CCNT2: variants seen among roughly 807,000 people sequenced by gnomAD.
The protein encoded by CCNT2 is cyclin T2.
CCNT2 carries 18 observed loss-of-function variants against 70.0 expected under a neutral mutation model. The observed-to-expected ratio is 0.26, with a 90% CI of 0.18 to 0.38. The LOEUF is 0.38. Ranked by LOEUF, CCNT2 falls within the 10% of genes least tolerant of loss-of-function variation. The pLI is 1.00. For synonymous variants in CCNT2, 334 were observed against 313.3 expected, an observed-to-expected ratio of 1.07 and a Z score of -0.70; for missense variants, 734 against 890.2, an observed-to-expected ratio of 0.82 and a Z score of 2.23.
rs1293127100 is a variant in CCNT2, at chr2:134,955,833, T to G, written c.*1185T>G. Reference sequence around the variant, plus strand: ...CAATAAATAAAAAAGAAAAGATTACTGACTGTGCATTGTACCTGTATTTAT... The same window carrying G: ...CAATAAATAAAAAAGAAAAGATTACGGACTGTGCATTGTACCTGTATTTAT... On this transcript the variant is annotated 3_prime_UTR_variant, in exon 9 of 9. Transcript: ENST00000264157. 6.6e-6 allele frequency: 1 copy of G among 152,668 alleles called. No individual in the cohort carries two copies. The highest frequency in any genetic ancestry group is 6.5e-5 in the Admixed American group (1 of 15,290). The allele number at this position is 152,668 out of a possible 1,614,324, so 9.5% of individuals were successfully genotyped here.
chr2:134,958,076 T>A lies in CCNT2; in HGVS notation c.*3428T>A, dbSNP rs1028877200. 2 of 152,250 alleles carry A rather than the reference T, an allele frequency of 1.3e-5. No individual in the cohort carries two copies. Among genetic ancestry groups the A allele is most frequent in the African/African-American group, 4.8e-5 (2 of 41,472 alleles). The allele number at this position is 152,250 out of a possible 1,614,324, so 9.4% of individuals were successfully genotyped here. A position where few individuals can be genotyped will look rare whatever the true frequency, so the allele number is the denominator to read the frequency against. On this transcript the variant is annotated 3_prime_UTR_variant, in exon 9 of 9. Coordinates refer to ENST00000264157, the MANE Select transcript of CCNT2 (RefSeq NM_058241.3). ...ACTTAAATTGCTGACTTGTATTCGT[T>A]AAGCAACCTTAGAAATAAACCACTG...
chr2:134,946,555 C>CA (rs1280642065), intron 6 of CCNT2: 2 of 272,120 alleles, frequency 7.3e-6, no homozygotes, highest in Non-Finnish European at 1.1e-5. Flanking sequence ...TTAAAATACT[C>CA]ATTAAAGTTT....
intron 8 of CCNT2, 181 bp downstream of exon 8, chr2:134,952,892 T>A: frequency 1.9e-6 from 1 of 514,474 alleles, no homozygotes; most frequent in South Asian, 3.8e-5. Flanking sequence ...CTAAAGTACA[T>A]TATACTTTTA....
At position 134,947,905 on chromosome 2, in the gene CCNT2, T is replaced by C. The variant is rs1181989973; in HGVS notation, c.703+6T>C. 2 of 1,446,806 alleles carry C rather than the reference T, an allele frequency of 1.4e-6. No homozygotes were observed. Among genetic ancestry groups the C allele is most frequent in the Non-Finnish European group, 1.9e-6 (2 of 1,075,134 alleles). 89.6% of individuals were successfully genotyped at this position (1,446,806 alleles called of 1,614,324 possible). A position where few individuals can be genotyped will look rare whatever the true frequency, so the allele number is the denominator to read the frequency against. On this transcript the variant is annotated splice_donor_region_variant and intron_variant, in intron 7 of 8. Coordinates refer to ENST00000264157, the MANE Select transcript of CCNT2 (RefSeq NM_058241.3). Reference sequence around the variant, plus strand: ...TACTCTAGAATTATTAGATGGTAAGTAGAGAAAATAAATTTTTAAGTTTGG... The same window carrying C: ...TACTCTAGAATTATTAGATGGTAAGCAGAGAAAATAAATTTTTAAGTTTGG...
intron 3 of CCNT2, 36 bp from the exon 4 acceptor site, chr2:134,938,966 T>C (rs1261706495): frequency 3.6e-6 from 5 of 1,377,674 alleles, no homozygotes; most frequent in Non-Finnish European, 5.2e-6. Flanking sequence ...ATGTTATTTT[T>C]ATTTTAATCA....
At chr2:134,928,293 T>TTTTTTTTTTTTTTTTTTTTTTC (rs1680452985) in intron 2 of CCNT2, among the ~76,000 whole-genome samples, 1 of 147,872 alleles carries the variant, frequency 6.8e-6, no homozygotes, top group East Asian at 2.0e-4. Flanking sequence ...TTTTTTTTTT[T>TTTTTTTTTTTTTTTTTTTTTTC]CTGAGACGGA....
intron 7 of CCNT2, among the ~76,000 whole-genome samples, chr2:134,948,175 T>C (rs970801764): frequency 6.6e-6 from 1 of 151,882 alleles, no homozygotes; most frequent in East Asian, 1.9e-4. Flanking sequence ...AAAAATTGAC[T>C]GGGTGTGGTG....
intron 5 of CCNT2, chr2:134,943,594 G>A (rs765493113): frequency 5.0e-5 from 49 of 984,648 alleles, no homozygotes; most frequent in Non-Finnish European, 5.8e-5. Flanking sequence ...TTTATAAACA[G>A]GAGTACTTTT....
At chr2:134,952,896 A>G (rs1303345335) in intron 8 of CCNT2, 185 bp downstream of exon 8, 3 of 509,660 alleles carry the variant, frequency 5.9e-6, no homozygotes, top group Non-Finnish European at 1.0e-5. Context: ...AGTACATTAT[A>G]CTTTTAAAAA....
chr2:134,943,927 A>C, intron 5 of CCNT2: 1 of 958,382 alleles, frequency 1.0e-6, no homozygotes, highest in Non-Finnish European at 1.2e-6. Flanking sequence ...TTTTGTTTTT[A>C]GTATTTACCT....
At position 134,952,711 on chromosome 2, in the gene CCNT2, G is replaced by C; in HGVS notation, c.774G>C (p.Arg258Ser). ...PNRLKKIRNWRANQAARKPKV... is the reference protein window; with the variant it reads ...PNRLKKIRNWSANQAARKPKV... The stretch of plus-strand genomic sequence containing the variant: ...GGTTGAAGAAGATTCGAAACTGGAG[G>C]GTAAGAGAATTGACAGGGTTTAACA... The change falls in exon 8 of 9, where the codon AGG (arginine) becomes AGC (serine). Residue 258 changes from arginine to serine, a missense_variant and splice_region_variant. Physicochemically the swap from Arg to Ser is moderately radical, Grantham distance 110. Transcript: ENST00000264157. 6.2e-7 allele frequency: 1 copy of C among 1,602,366 alleles called. No homozygotes were observed. Among genetic ancestry groups the C allele is most frequent in the Non-Finnish European group, 8.5e-7 (1 of 1,171,506 alleles).
rs767432151 is a variant in CCNT2 at position 134,953,314 on chromosome 2, A to G, written c.859A>G (p.Ile287Val). The G allele has an allele frequency of 5.6e-6, 9 of 1,612,722 alleles. No homozygotes were observed. The South Asian group carries it at 9.9e-5, about 18-fold the overall frequency. The change falls in exon 9 of 9, where the codon ATT (isoleucine) becomes GTT (valine). Residue 287 changes from isoleucine (I) to valine (V), a missense_variant. By Grantham distance (29) the Ile-to-Val change is conservative (BLOSUM62 3). Transcript: ENST00000264157. ...TGGTTCATCTTTGGTCCAGAATTCCATTTTAGTAGATAGTGTCACTGGTGT... is the reference window on the plus strand; with the variant it reads ...TGGTTCATCTTTGGTCCAGAATTCCGTTTTAGTAGATAGTGTCACTGGTGT... ...LLGSSLVQNS[I>V]LVDSVTGVPT...
At chr2:134,947,499 A>T (rs185453842) in intron 6 of CCNT2, among the ~76,000 whole-genome samples, 28 of 152,318 alleles carry the variant, frequency 1.8e-4, no homozygotes, top group Admixed American at 8.5e-4. Context: ...ACAAAATTTT[A>T]AATATTAATA....
chr2:134,921,938 T>A (rs1249615538), intron 2 of CCNT2, among the ~76,000 whole-genome samples: 1 of 152,206 alleles, frequency 6.6e-6, no homozygotes, highest in Non-Finnish European at 1.5e-5. Context: ...TTGAGAAATA[T>A]TATTATACCC....
chr2:134,949,188 G>T (rs2034261), intron 7 of CCNT2, among the ~76,000 whole-genome samples: 89,915 of 151,940 alleles, frequency 0.59, 28,448 homozygotes, highest in Middle Eastern at 0.91. Context: ...GCCCAGCTAA[G>T]TTTTGTATTT....
chr2:134,953,140 A>G, intron 8 of CCNT2, 90 bp from the exon 9 acceptor site: 1 of 832,106 alleles, frequency 1.2e-6, no homozygotes, highest in African/African-American at 1.7e-5. Context: ...TTAATATATA[A>G]TGTTTTTAAT....
intron 2 of CCNT2, among the ~76,000 whole-genome samples, chr2:134,935,064 C>A (rs1286395151): frequency 6.6e-6 from 1 of 152,154 alleles, no homozygotes; most frequent in Non-Finnish European, 1.5e-5. Context: ...TATACATATT[C>A]ATTCAACAAA....
At chr2:134,932,049 A>G (rs1680813145) in intron 2 of CCNT2, among the ~76,000 whole-genome samples, 1 of 151,666 alleles carries the variant, frequency 6.6e-6, no homozygotes, top group Non-Finnish European at 1.5e-5. Context: ...CCTGGAGTGC[A>G]GTGGTGCTCG....
chr2:134,954,106 C>T lies in CCNT2; in HGVS notation c.1651C>T (p.His551Tyr), dbSNP rs1318821165. The change falls in exon 9 of 9, where the codon CAT (histidine) becomes TAT (tyrosine). Residue 551 changes from histidine to tyrosine, a missense_variant. His to Tyr is a moderately conservative substitution (Grantham distance 83). Transcript: ENST00000264157. ...TGGGAAGAGCAAACATTCAAGCCCA[C>T]ATATTAGCAGAGACCATAAGGAGAA... ...GSGKSKHSSP[H>Y]ISRDHKEKHK... 2 of 1,614,168 alleles carry T rather than the reference C, an allele frequency of 1.2e-6. No homozygotes were observed. The highest frequency in any genetic ancestry group is 4.5e-5 in the East Asian group (2 of 44,884).
Sources: allele counts gnomAD v4.1 joint callset (sites outside exome capture counted in the v4.1 genomes callset), GRCh38; gene constraint gnomAD v4.1.1; transcripts MANE v1.5; gene names NCBI Gene and HGNC (gene_info 2026-07-23, HGNC 2026-07-21).